ATM: variants seen among roughly 807,000 people sequenced by gnomAD.
ATM encodes ATM serine/threonine kinase.
Under a neutral mutation model 387.0 loss-of-function variants are expected in ATM, and 308 were observed. That is an observed-to-expected ratio of 0.80 (90% CI 0.73 to 0.87). The LOEUF is 0.87. Ranked by LOEUF, ATM falls within the 40% of genes least tolerant of loss-of-function variation. The pLI is 0.00. For synonymous variants in ATM, 1,156 were observed against 1,187.3 expected, an observed-to-expected ratio of 0.97 and a Z score of 0.54; for missense variants, 3,312 against 3,560.9, an observed-to-expected ratio of 0.93 and a Z score of 1.78.
chr11:108,303,175 A>G (rs2083516697), intron 36 of ATM, 146 bp downstream of exon 36: 1 of 888,770 alleles, frequency 1.1e-6, no homozygotes, highest in Non-Finnish European at 1.7e-6. Flanking sequence ...GTATTTAGTC[A>G]TAACTTTATG....
In ATM at chr11:108,256,294, T is replaced by C. The variant is rs1565395012; in HGVS notation, c.2204T>C (p.Ile735Thr). ...GGCTGCTACTGTTACATGGGTGTAATAGCTGAAGAGGAAGCATATAAGTCA... is the reference window on the plus strand; with the variant it reads ...GGCTGCTACTGTTACATGGGTGTAACAGCTGAAGAGGAAGCATATAAGTCA... ...VLGCYCYMGV[I>T]AEEEAYKSEL... Residue 735 changes from isoleucine to threonine, a missense_variant, in exon 14 of 63, where the codon ATA becomes ACA. This residue lies in a region of ATM where 1,791 missense variants were observed against 1,804.5 expected (regional missense o/e 0.99). Transcript: ENST00000675843. 3 of 1,611,406 alleles carry C rather than the reference T, an allele frequency of 1.9e-6. No homozygotes were observed.
At chr11:108,237,196 C>T (rs1008029247) in intron 5 of ATM, among the ~76,000 whole-genome samples, 1 of 152,164 alleles carries the variant, frequency 6.6e-6, no homozygotes, top group African/African-American at 2.4e-5. Flanking sequence ...GTAGCCTTTA[C>T]GTTACTCTGA....
chr11:108,240,833 A>G (rs2079520589), intron 5 of ATM, among the ~76,000 whole-genome samples: 1 of 152,178 alleles, frequency 6.6e-6, no homozygotes, highest in African/African-American at 2.4e-5. Context: ...TTAAAAATTT[A>G]TGTTTTTCTT....
At chr11:108,301,509 G>C in intron 34 of ATM, 139 bp from the exon 35 acceptor site, 1 of 1,010,684 alleles carries the variant, frequency 9.9e-7, no homozygotes, top group Non-Finnish European at 1.5e-6. Flanking sequence ...ACTTTTATTT[G>C]ATATTGGAGA....
intron 16 of ATM, 111 bp from the exon 17 acceptor site, chr11:108,267,060 T>G: frequency 9.0e-7 from 1 of 1,107,452 alleles, no homozygotes; most frequent in Non-Finnish European, 1.3e-6. Flanking sequence ...CCTCCCAAAT[T>G]GCTGAGATTA....
intron 18 of ATM, among the ~76,000 whole-genome samples, chr11:108,270,659 G>A (rs1222036087): frequency 6.6e-6 from 1 of 152,016 alleles, no homozygotes; most frequent in Admixed American, 6.5e-5. Context: ...GTGTGTGTGT[G>A]TATGTGTGTG....
chr11:108,269,347 TATG>T (rs2081446091), intron 18 of ATM, among the ~76,000 whole-genome samples: 1 of 152,170 alleles, frequency 6.6e-6, no homozygotes, highest in Admixed American at 6.5e-5. Context: ...GATGTTTCCT[TATG>T]ATTAAATTTA....
intron 43 of ATM, among the ~76,000 whole-genome samples, chr11:108,318,810 G>T (rs1279200657): frequency 6.6e-6 from 1 of 152,082 alleles, no homozygotes; most frequent in Non-Finnish European, 1.5e-5. Context: ...TCATATTTAT[G>T]TAAAGTTTTT....
At chr11:108,240,184 G>C (rs1372936240) in intron 5 of ATM, among the ~76,000 whole-genome samples, 3 of 152,144 alleles carry the variant, frequency 2.0e-5, no homozygotes, top group Non-Finnish European at 4.4e-5. Context: ...CATTTTTAAA[G>C]ATCTTTTTCT....
Position 108,257,566 on chromosome 11 carries a change from T to C in ATM, c.2336T>C (p.Met779Thr), listed in dbSNP as rs587778066. 14 of 1,614,058 alleles carry C rather than the reference T, an allele frequency of 8.7e-6. No homozygotes were observed. Among genetic ancestry groups the C allele is most frequent in the South Asian group, 2.2e-5 (2 of 91,072 alleles). ...TTCAGAATTGGTTCCTTGAGAAATA[T>C]GATGCAGCTATGTACACGTTGCTTG... ...EEFRIGSLRNMMQLCTRCLSN... is the reference protein window; with the variant it reads ...EEFRIGSLRNTMQLCTRCLSN... The change falls in exon 15 of 63, where the codon ATG becomes ACG. Residue 779 changes from methionine to threonine, a missense_variant. Met to Thr is a moderately conservative substitution (Grantham distance 81). Transcript: ENST00000675843.
At position 108,284,228 on chromosome 11, in the gene ATM, T is replaced by A. The variant is rs1555093268; in HGVS notation, c.3748T>A (p.Ser1250Thr). Residue 1250 changes from serine (S) to threonine (T), a missense_variant and splice_region_variant, in exon 26 of 63, where the codon TCT (serine) becomes ACT (threonine). This residue lies in a region of ATM where 1,791 missense variants were observed against 1,804.5 expected (regional missense o/e 0.99). Transcript: ENST00000675843. ...NYTNIEDFYR[S>T]CYKVLIPHLV... Reference sequence around the variant, plus strand: ...TATTTTAAATTTTTCTATTTTTAGATCTTGTTATAAGGTTTTGATTCCACA... The same window carrying A: ...TATTTTAAATTTTTCTATTTTTAGAACTTGTTATAAGGTTTTGATTCCACA... 8 of 1,604,090 alleles carry A rather than the reference T, an allele frequency of 5.0e-6. No individual in the cohort carries two copies. The highest frequency in any genetic ancestry group is 6.8e-6 in the Non-Finnish European group (8 of 1,172,922).
At chr11:108,256,184 A>G (rs752498956) in intron 13 of ATM, 31 bp from the exon 14 acceptor site, 4 of 1,512,534 alleles carry the variant, frequency 2.6e-6, no homozygotes, top group South Asian at 2.5e-5. Flanking sequence ...TTTATGAAAT[A>G]TATATATTTT....
In ATM at chr11:108,343,390, T is replaced by TA. The variant is rs772813122; in HGVS notation, c.8418+22dup. Reference sequence around the variant, plus strand: ...AATGATGGTGAGTGACACCCAAAATTAAAGGTTATTGTAAGATTATTTAAT... The same window carrying TA: ...AATGATGGTGAGTGACACCCAAAATTAAAAGGTTATTGTAAGATTATTTAAT... On this transcript the variant is annotated intron_variant, in intron 57 of 62. Transcript: ENST00000675843. 1 of 1,613,386 alleles carries TA rather than the reference T, an allele frequency of 6.2e-7. No homozygotes were observed. Among genetic ancestry groups the TA allele is most frequent in the Admixed American group, 1.7e-5 (1 of 59,960 alleles).
At chr11:108,353,495 A>G (rs987542521) in intron 59 of ATM, among the ~76,000 whole-genome samples, 1 of 152,178 alleles carries the variant, frequency 6.6e-6, no homozygotes, top group Admixed American at 6.5e-5. Flanking sequence ...AAATTATACC[A>G]GTAGTTACTT....
chr11:108,316,783 G>A (rs1259766682), intron 42 of ATM, among the ~76,000 whole-genome samples: 10 of 143,130 alleles, frequency 7.0e-5, no homozygotes, highest in East Asian at 4.1e-4. Context: ...AAAATTAGCC[G>A]GGTGTGGTGG....
intron 29 of ATM, 168 bp downstream of exon 29, chr11:108,289,969 C>T (rs1415855919): frequency 1.2e-5 from 7 of 598,240 alleles, no homozygotes; most frequent in Non-Finnish European, 1.7e-5. Flanking sequence ...ATTATCCTTC[C>T]TCCTCACCCT....
chr11:108,304,633 T>C, intron 36 of ATM, 42 bp from the exon 37 acceptor site: 3 of 1,590,184 alleles, frequency 1.9e-6, no homozygotes, highest in Non-Finnish European at 8.6e-7. Flanking sequence ...ATTTTACTCA[T>C]TTTTACTCAA....
At chr11:108,249,133 C>T (rs2135297272) in intron 9 of ATM, 31 bp downstream of exon 9, 1 of 1,610,426 alleles carries the variant, frequency 6.2e-7, no homozygotes, top group Admixed American at 1.7e-5. Context: ...CATTCAGTGT[C>T]ATTTTAATCT....
rs1205081205 is a variant in ATM at position 108,335,327 on chromosome 11, G to T, written c.8151+218G>T. 7 of 1,420,258 alleles carry T rather than the reference G, an allele frequency of 4.9e-6. No homozygotes were observed. In the African/African-American group the frequency reaches 1.0e-4, roughly 20 times the overall value. 88.0% of individuals were successfully genotyped at this position (1,420,258 alleles called of 1,614,324 possible). The stretch of plus-strand genomic sequence containing the variant: ...AATCATTATTATATGGTTGATTCAA[G>T]TAAAAGAATACCATTAACATGTACA... On this transcript the variant is annotated intron_variant, in intron 55 of 62. Coordinates refer to ENST00000675843, the MANE Select transcript of ATM (RefSeq NM_000051.4).
Sources: allele counts gnomAD v4.1 joint callset (sites outside exome capture counted in the v4.1 genomes callset), GRCh38; gene constraint gnomAD v4.1.1; regional missense constraint gnomAD v4.1.1; transcripts MANE v1.5; gene names NCBI Gene and HGNC (gene_info 2026-07-23, HGNC 2026-07-21).